Variants in PPP1R13B observed in about 807,000 individuals in gnomAD.
PPP1R13B encodes protein phosphatase 1 regulatory subunit 13B.
PPP1R13B carries 44 observed loss-of-function variants against 119.8 expected under a neutral mutation model. The observed-to-expected ratio is 0.37, with a 90% CI of 0.29 to 0.47. The LOEUF (loss-of-function observed/expected upper bound fraction) is 0.47, where lower values mean the gene tolerates loss of function less well. Among genes scored for constraint, PPP1R13B ranks in the 20% least tolerant of loss-of-function variants. PPP1R13B has a pLI of 0.99. For missense variants in PPP1R13B, 1,227 were observed against 1,413.5 expected, an observed-to-expected ratio of 0.87 and a Z score of 2.12; for synonymous variants, 542 against 561.5, an observed-to-expected ratio of 0.97 and a Z score of 0.49.
At chr14:103,811,778 C>T (rs969934358) in intron 1 of PPP1R13B, among the ~76,000 whole-genome samples, 2 of 151,522 alleles carry the variant, frequency 1.3e-5, no homozygotes, top group African/African-American at 4.8e-5. Flanking sequence ...TCACCCAGGC[C>T]GGGCGCAGTG....
At chr14:103,814,896 G>C (rs1055741175) in intron 1 of PPP1R13B, among the ~76,000 whole-genome samples, 5 of 151,700 alleles carry the variant, frequency 3.3e-5, no homozygotes, top group African/African-American at 9.7e-5. Flanking sequence ...AGTGAGCCAA[G>C]ATCACACCAC....
intron 1 of PPP1R13B, among the ~76,000 whole-genome samples, chr14:103,811,022 G>A (rs947791538): frequency 6.7e-6 from 1 of 149,198 alleles, no homozygotes; most frequent in Non-Finnish European, 1.5e-5. Context: ...AAACCCGGGA[G>A]GCAGAGGTTG....
chr14:103,783,777 C>T (rs2085389595), intron 3 of PPP1R13B, among the ~76,000 whole-genome samples: 1 of 152,168 alleles, frequency 6.6e-6, no homozygotes, highest in African/African-American at 2.4e-5. Context: ...TCTCGAACTA[C>T]TTGGCTCAAG....
rs947106750 is a variant in PPP1R13B, at chr14:103,754,293, G to A, written c.457-49C>T. 1.2e-5 allele frequency: 18 copies of A among 1,556,032 alleles called. No individual in the cohort carries two copies. The Admixed American group carries it at 2.0e-4, about 17-fold the overall frequency. ...ACTTTGAAAATTGAAGGCTGGGCGCGGTGGCTCACATCTGTAATTCCAGCA... is the reference window on the plus strand; with the variant it reads ...ACTTTGAAAATTGAAGGCTGGGCGCAGTGGCTCACATCTGTAATTCCAGCA... On this transcript the variant is annotated intron_variant, in intron 5 of 16. Transcript: ENST00000202556.
chr14:103,765,462 G>C (rs932648712), intron 4 of PPP1R13B, among the ~76,000 whole-genome samples: 2 of 152,002 alleles, frequency 1.3e-5, no homozygotes, highest in African/African-American at 4.8e-5. Flanking sequence ...TCCAAGCCTG[G>C]CTTCCTCCCT....
chr14:103,772,136 T>C (rs2085084898), intron 4 of PPP1R13B, among the ~76,000 whole-genome samples: 1 of 152,038 alleles, frequency 6.6e-6, no homozygotes, highest in Admixed American at 6.6e-5. Context: ...CACAATGATT[T>C]TGAGATTCAT....
At chr14:103,745,588 G>A (rs1450056683) in intron 9 of PPP1R13B, among the ~76,000 whole-genome samples, 1 of 152,190 alleles carries the variant, frequency 6.6e-6, no homozygotes, top group African/African-American at 2.4e-5. Flanking sequence ...GACTACACTA[G>A]AGGTCCAAGT....
intron 1 of PPP1R13B, among the ~76,000 whole-genome samples, chr14:103,841,081 T>C (rs1057262889): frequency 6.6e-6 from 1 of 150,780 alleles, no homozygotes; most frequent in Non-Finnish European, 1.5e-5. Flanking sequence ...AGGTCGGGAG[T>C]TCAAGACCCG....
intron 1 of PPP1R13B, among the ~76,000 whole-genome samples, chr14:103,834,991 A>T (rs1000396088): frequency 7.9e-5 from 12 of 152,250 alleles, no homozygotes; most frequent in African/African-American, 2.9e-4. Context: ...CATGAAGGGC[A>T]CAAGCATTCT....
At chr14:103,749,480 G>C (rs576091085) in intron 8 of PPP1R13B, among the ~76,000 whole-genome samples, 30 of 152,308 alleles carry the variant, frequency 2.0e-4, no homozygotes, top group Middle Eastern at 3.4e-3. Flanking sequence ...GCAGAGTGCG[G>C]ACCGTGACAG....
chr14:103,752,516 C>T (rs993660811), intron 7 of PPP1R13B, among the ~76,000 whole-genome samples: 7 of 150,028 alleles, frequency 4.7e-5, no homozygotes, highest in African/African-American at 9.8e-5. Context: ...ATGAATTGTA[C>T]GCTGTGTGAA....
chr14:103,784,795 C>T lies in PPP1R13B; in HGVS notation c.277G>A (p.Gly93Ser). 6.3e-7 allele frequency: 1 copy of T among 1,591,620 alleles called. No homozygotes were observed. The change falls in exon 3 of 17, where the codon GGT (glycine) becomes AGT (serine). Residue 93 changes from glycine to serine, a missense_variant and splice_region_variant. Coordinates refer to ENST00000202556, the MANE Select transcript of PPP1R13B (RefSeq NM_015316.3). ...AATGAGGAAGAAAGCAGTTATCTAC[C>T]TTGTTCACTGTTCTCAGTTGGGGAG... ...EDSPTENSEQ[G>S]GRQTQEQRTQ...
intron 1 of PPP1R13B, among the ~76,000 whole-genome samples, chr14:103,840,806 G>GA (rs1185995786): frequency 1.3e-5 from 2 of 151,294 alleles, no homozygotes; most frequent in African/African-American, 2.4e-5. Context: ...AAAAAAGAAA[G>GA]AAAGAAAAGA....
chr14:103,776,190 A>AAGGAAGGAAGGGAGGG (rs2085188127), intron 4 of PPP1R13B, among the ~76,000 whole-genome samples: 1 of 48,520 alleles, frequency 2.1e-5, no homozygotes, highest in Non-Finnish European at 3.6e-5. Context: ...GGGAGGGAGG[A>AAGGAAGGAAGGGAGGG]AGGAAGGAAG....
chr14:103,761,695 G>A (rs1344011615), intron 4 of PPP1R13B, among the ~76,000 whole-genome samples: 6 of 151,340 alleles, frequency 4.0e-5, no homozygotes, highest in African/African-American at 7.3e-5. Flanking sequence ...CCCAGGAGGC[G>A]GAAGTTGCAG....
At chr14:103,788,528 T>C (rs943941636) in intron 2 of PPP1R13B, among the ~76,000 whole-genome samples, 1 of 152,084 alleles carries the variant, frequency 6.6e-6, no homozygotes, top group African/African-American at 2.4e-5. Flanking sequence ...GACTATAAAA[T>C]AGCATTTCTC....
At chr14:103,763,583 C>A (rs990528094) in intron 4 of PPP1R13B, among the ~76,000 whole-genome samples, 1 of 152,088 alleles carries the variant, frequency 6.6e-6, no homozygotes, top group East Asian at 1.9e-4. Flanking sequence ...AACTTTCAGC[C>A]CTATCCCTAG....
chr14:103,842,768 G>A (rs2086939289), intron 1 of PPP1R13B, among the ~76,000 whole-genome samples: 1 of 151,532 alleles, frequency 6.6e-6, no homozygotes, highest in Non-Finnish European at 1.5e-5. Flanking sequence ...CTGAGGTCAG[G>A]AGTTCAAGAC....
intron 2 of PPP1R13B, among the ~76,000 whole-genome samples, chr14:103,785,611 G>A (rs544746391): frequency 2.0e-5 from 3 of 149,280 alleles, no homozygotes; most frequent in East Asian, 2.0e-4. Context: ...TCCAGGGTTC[G>A]AGAGATTCTC....
Sources: gnomAD v4.1 joint callset for allele counts (sites outside exome capture counted in the v4.1 genomes callset) on GRCh38, gnomAD v4.1.1 for gene constraint, MANE v1.5 for transcripts, NCBI Gene and HGNC (gene_info 2026-07-23, HGNC 2026-07-21) for gene names.